The following ZNF211 variants were observed in gnomAD, a reference collection of about 807,000 sequenced individuals.
The protein encoded by ZNF211 is zinc finger protein C2H2-25.
In ZNF211, 18 loss-of-function variants were observed where a neutral mutation model predicts 12.1. That is an observed-to-expected ratio of 1.48 (90% CI 1.03 to 2.20). The LOEUF is 2.20. Among genes scored for constraint, ZNF211 ranks in the 30% most tolerant of loss-of-function variants. ZNF211 has a pLI of 0.00. For missense variants in ZNF211, 677 were observed against 703.1 expected, an observed-to-expected ratio of 0.96 and a Z score of 0.42; for synonymous variants, 249 against 246.0, an observed-to-expected ratio of 1.01 and a Z score of -0.11.
Position 57,641,587 on chromosome 19 carries a change from G to C in ZNF211, c.1140G>C (p.Arg380Ser). 6.2e-7 allele frequency: 1 copy of C among 1,612,256 alleles called. No homozygotes were observed. The highest frequency in any genetic ancestry group is 8.5e-7 in the Non-Finnish European group (1 of 1,179,494). ...MQHRRVHTGE[R>S]PYECSECGKS... Reference sequence around the variant, plus strand: ...ATCGCAGAGTTCACACTGGAGAAAGGCCTTATGAATGCAGCGAATGTGGGA... The same window carrying C: ...ATCGCAGAGTTCACACTGGAGAAAGCCCTTATGAATGCAGCGAATGTGGGA... The change falls in exon 4 of 4, where the codon AGG becomes AGC. Residue 380 changes from arginine to serine, a missense_variant. Physicochemically the swap from Arg to Ser is moderately radical, Grantham distance 110 (BLOSUM62 -1). Coordinates refer to ENST00000240731, the MANE Select transcript of ZNF211 (RefSeq NM_006385.5).
At position 57,641,059 on chromosome 19, in the gene ZNF211, G is replaced by A. The variant is rs761866600; in HGVS notation, c.612G>A (p.Arg204=). 2 of 1,614,050 alleles carry A rather than the reference G, an allele frequency of 1.2e-6. No individual in the cohort carries two copies. The highest frequency in any genetic ancestry group is 1.7e-6 in the Non-Finnish European group (2 of 1,180,030). The part of the protein sequence containing the change: ...SEKPFTCREI[R]KDFLANMRFL... ...AACCCTTTACCTGCAGGGAGATCAG[G>A]AAAGACTTCCTGGCCAACATGAGGT... Residue 204 remains arginine, a synonymous_variant, in exon 4 of 4, where the codon AGG becomes AGA. Coordinates refer to ENST00000240731, the MANE Select transcript of ZNF211 (RefSeq NM_006385.5).
In ZNF211 at chr19:57,640,933, T is replaced by A; in HGVS notation, c.486T>A (p.Asn162Lys). ...TCGKQFYISA[N>K]LQQHQRQHIT... The stretch of plus-strand genomic sequence containing the variant: ...GAAAACAATTCTACATCAGTGCAAA[T>A]CTTCAACAGCACCAGAGGCAGCACA... Residue 162 changes from asparagine to lysine, a missense_variant, in exon 4 of 4, where the codon AAT becomes AAA. Transcript: ENST00000240731. 6.2e-7 allele frequency: 1 copy of A among 1,614,154 alleles called. No individual in the cohort carries two copies. The highest frequency in any genetic ancestry group is 8.5e-7 in the Non-Finnish European group (1 of 1,180,030).
In ZNF211 at chr19:57,641,887, C is replaced by A. The variant is rs1477870467; in HGVS notation, c.1440C>A (p.Asn480Lys). The part of the protein sequence containing the change: ...ECGKSFSHSS[N>K]LKNHQRVHTG... Reference sequence around the variant, plus strand: ...GGAAATCCTTTAGCCATAGCTCCAACCTTAAGAACCACCAGAGAGTTCACA... The same window carrying A: ...GGAAATCCTTTAGCCATAGCTCCAAACTTAAGAACCACCAGAGAGTTCACA... The change falls in exon 4 of 4, where the codon AAC (asparagine) becomes AAA (lysine). Residue 480 changes from asparagine (N) to lysine (K), a missense_variant. Transcript: ENST00000240731. 6.2e-7 allele frequency: 1 copy of A among 1,614,154 alleles called. No homozygotes were observed. The highest frequency in any genetic ancestry group is 1.7e-5 in the Admixed American group (1 of 60,022).
chr19:57,634,930 G>C (rs571301503), intron 3 of ZNF211, 175 bp downstream of exon 3: 1 of 985,298 alleles, frequency 1.0e-6, no homozygotes, highest in African/African-American at 1.7e-5. Flanking sequence ...CAGCCCAAAA[G>C]CATCTTGGGT....
At chr19:57,633,978 G>A in intron 1 of ZNF211, 45 bp from the exon 2 acceptor site, 1 of 1,597,650 alleles carries the variant, frequency 6.3e-7, no homozygotes. Context: ...TGCCCATGGA[G>A]CACTGCCATG....
At chr19:57,636,292 T>A (rs998198497) in intron 3 of ZNF211, among the ~76,000 whole-genome samples, 1 of 152,216 alleles carries the variant, frequency 6.6e-6, no homozygotes, top group South Asian at 2.1e-4. Flanking sequence ...GCTTTTTATA[T>A]CATATCCAAG....
rs1050556383 is a variant in ZNF211, at chr19:57,634,478, T to C, written c.130-151T>C. ...AAAACAGAATGAACACAGTGACTAA[T>C]GGGAATGTGAAGAGACAGCAGGGAT... On this transcript the variant is annotated intron_variant, in intron 2 of 3. Coordinates refer to ENST00000240731, the MANE Select transcript of ZNF211 (RefSeq NM_006385.5). The C allele has an allele frequency of 4.5e-6, 4 of 893,550 alleles. No homozygotes were observed. The African/African-American group carries it at 6.9e-5, about 15-fold the overall frequency. The allele number at this position is 893,550 out of a possible 1,614,324, so 55.4% of individuals were successfully genotyped here.
At position 57,634,231 on chromosome 19, in the gene ZNF211, T is replaced by A. The variant is rs957911425; in HGVS notation, c.129+170T>A. 1.8e-5 allele frequency: 12 copies of A among 655,546 alleles called. No individual in the cohort carries two copies. In the African/African-American group the frequency reaches 2.0e-4, roughly 11 times the overall value. 40.6% of individuals were successfully genotyped at this position (655,546 alleles called of 1,614,324 possible). A position where few individuals can be genotyped will look rare whatever the true frequency, so the allele number is the denominator to read the frequency against. On this transcript the variant is annotated intron_variant, in intron 2 of 3. Transcript: ENST00000240731. ...GCTAAGGGCCCTGAGTCCAGGCCAATGTTTCCATTTGGAGCAGCCAATGGA... is the reference window on the plus strand; with the variant it reads ...GCTAAGGGCCCTGAGTCCAGGCCAAAGTTTCCATTTGGAGCAGCCAATGGA...
At chr19:57,633,483 C>T in intron 1 of ZNF211, 47 bp downstream of exon 1, 2 of 1,547,022 alleles carry the variant, frequency 1.3e-6, no homozygotes, top group Non-Finnish European at 1.7e-6. Context: ...ATTCTTAAGT[C>T]CCAAGTGAGA....
chr19:57,640,260 G>A (rs1982718765), intron 3 of ZNF211, among the ~76,000 whole-genome samples: 2 of 152,150 alleles, frequency 1.3e-5, no homozygotes, highest in Admixed American at 6.5e-5. Flanking sequence ...TATCCTACCT[G>A]TTCTTTTCAC....
chr19:57,641,638 G>A lies in ZNF211; in HGVS notation c.1191G>A (p.Leu397=), dbSNP rs376565689. Residue 397 remains leucine, a synonymous_variant, in exon 4 of 4, where the codon CTG becomes CTA. Transcript: ENST00000240731. ...AATCTTTTAGCCAAAACTTTAGCCT[G>A]ATCTACCACCAGAGAGTTCACACTG... is the stretch of plus-strand genomic sequence containing the variant. The part of the protein sequence containing the change: ...CGKSFSQNFS[L]IYHQRVHTGE... 1.2e-6 allele frequency: 2 copies of A among 1,612,408 alleles called. No homozygotes were observed. Among genetic ancestry groups the A allele is most frequent in the Non-Finnish European group, 1.7e-6 (2 of 1,179,250 alleles).
chr19:57,633,323 C>G lies in ZNF211; in HGVS notation c.-24C>G. On this transcript the variant is annotated 5_prime_UTR_variant, in exon 1 of 4. Coordinates refer to ENST00000240731, the MANE Select transcript of ZNF211 (RefSeq NM_006385.5). ...TCTGAGGGTCGGGGGCAGAGCCGCC[C>G]GCGAGGCCGGCCTGGGGATAGCGAT... 1 of 1,549,558 alleles carries G rather than the reference C, an allele frequency of 6.5e-7. No homozygotes were observed.
intron 2 of ZNF211, 151 bp from the exon 3 acceptor site, chr19:57,634,478 T>G: frequency 1.1e-6 from 1 of 893,668 alleles, no homozygotes; most frequent in Non-Finnish European, 1.6e-6. Context: ...CAGTGACTAA[T>G]GGGAATGTGA....
Position 57,641,785 on chromosome 19 carries a change from A to G in ZNF211, c.1338A>G (p.Ser446=), listed in dbSNP as rs1982989007. The G allele has an allele frequency of 3.1e-6, 5 of 1,612,972 alleles. No homozygotes were observed. Among genetic ancestry groups the G allele is most frequent in the Non-Finnish European group, 4.2e-6 (5 of 1,179,794 alleles). ...ATGAGTGCAGTAAATGTGGGAAGTC[A>G]TTTAAGCAAAGCTCCAGCTTCAGTT... The part of the protein sequence containing the change: ...RPYECSKCGK[S]FKQSSSFSSH... The change falls in exon 4 of 4, where the codon TCA becomes TCG. Residue 446 remains serine, a synonymous_variant. Transcript: ENST00000240731.
In ZNF211 at chr19:57,641,031, A is replaced by G; in HGVS notation, c.584A>G (p.Glu195Gly). The change falls in exon 4 of 4, where the codon GAG (glutamate) becomes GGG (glycine). Residue 195 changes from glutamate to glycine, a missense_variant. Transcript: ENST00000240731. ...CAGAGTTGCATAGTCCATGTGTCGGAGAAACCCTTTACCTGCAGGGAGATC... is the reference window on the plus strand; with the variant it reads ...CAGAGTTGCATAGTCCATGTGTCGGGGAAACCCTTTACCTGCAGGGAGATC... ...FTQSCIVHVSEKPFTCREIRK... is the reference protein window; with the variant it reads ...FTQSCIVHVSGKPFTCREIRK... 7.4e-6 allele frequency: 12 copies of G among 1,614,214 alleles called. No homozygotes were observed. The highest frequency in any genetic ancestry group is 1.0e-5 in the Non-Finnish European group (12 of 1,180,044).
rs1025156823 is a variant in ZNF211, at chr19:57,633,215, C to G, written c.-132C>G. On this transcript the variant is annotated 5_prime_UTR_variant, in exon 1 of 4. Coordinates refer to ENST00000240731, the MANE Select transcript of ZNF211 (RefSeq NM_006385.5). ...CGCAGCGGTCATTTTGGCTGCCCTC[C>G]CGGAGGTCCGTTCTGTCTGTCAGCC... The G allele has an allele frequency of 5.4e-6, 5 of 922,076 alleles. No homozygotes were observed. The highest frequency in any genetic ancestry group is 1.7e-5 in the African/African-American group (1 of 57,488). The allele number at this position is 922,076 out of a possible 1,614,324, so 57.1% of individuals were successfully genotyped here.
At position 57,633,312 on chromosome 19, in the gene ZNF211, G is replaced by A. The variant is rs936717809; in HGVS notation, c.-35G>A. The A allele has an allele frequency of 1.3e-6, 2 of 1,530,698 alleles. No individual in the cohort carries two copies. The highest frequency in any genetic ancestry group is 2.7e-5 in the African/African-American group (2 of 73,386). The allele number at this position is 1,530,698 out of a possible 1,614,324, so 94.8% of individuals were successfully genotyped here. On this transcript the variant is annotated 5_prime_UTR_variant, in exon 1 of 4. Coordinates refer to ENST00000240731, the MANE Select transcript of ZNF211 (RefSeq NM_006385.5). ...CGAGAGTCAGGTCTGAGGGTCGGGG[G>A]CAGAGCCGCCCGCGAGGCCGGCCTG...
rs117686837 is a variant in ZNF211 at position 57,635,018 on chromosome 19, C to G, written c.256+263C>G. 7.8e-3 allele frequency: 7,503 copies of G among 959,216 alleles called. 40 individuals carry two copies. Among genetic ancestry groups the G allele is most frequent in the Non-Finnish European group, 8.6e-3 (6,970 of 806,098 alleles). The allele number at this position is 959,216 out of a possible 1,614,324, so 59.4% of individuals were successfully genotyped here. Reference sequence around the variant, plus strand: ...TGCCTTCTCCCTGTCTGGTGACTTTCTAGATCTATGGCACCCAGTTTTCCC... The same window carrying G: ...TGCCTTCTCCCTGTCTGGTGACTTTGTAGATCTATGGCACCCAGTTTTCCC... On this transcript the variant is annotated intron_variant, in intron 3 of 3. Transcript: ENST00000240731.
intron 3 of ZNF211, chr19:57,639,893 T>G: frequency 6.5e-7 from 1 of 1,527,334 alleles, no homozygotes; most frequent in African/African-American, 1.4e-5. Context: ...GTTGCTCACA[T>G]GTCCTGTCTT....
Sources: allele counts gnomAD v4.1 joint callset (sites outside exome capture counted in the v4.1 genomes callset), GRCh38; gene constraint gnomAD v4.1.1; transcripts MANE v1.5; gene names NCBI Gene and HGNC (gene_info 2026-07-23, HGNC 2026-07-21).